ZNF451: variants seen among roughly 807,000 people sequenced by gnomAD.
The protein encoded by ZNF451 is E3 SUMO-protein ligase ZNF451.
A neutral mutation model predicts 107.1 loss-of-function variants in ZNF451; 80 were observed. That is an observed-to-expected ratio of 0.75 (90% CI 0.62 to 0.90). The LOEUF (loss-of-function observed/expected upper bound fraction) is 0.90. ZNF451 is among the 40% of genes least tolerant of loss of function. ZNF451 has a pLI of 0.00. For synonymous variants in ZNF451, 362 were observed against 406.5 expected (o/e 0.89, Z 1.32); for missense variants, 1,107 against 1,236.2 (o/e 0.90, Z 1.57).
chr6:57,103,527 G>GT (rs1484083486), intron 3 of ZNF451: 3 of 985,224 alleles, frequency 3.0e-6, no homozygotes, highest in Non-Finnish European at 3.6e-6. Flanking sequence ...GGTAGTGGAT[G>GT]TATGGTATAT....
At chr6:57,168,216 T>C (rs1418609285) in intron 14 of ZNF451, among the ~76,000 whole-genome samples, 3 of 152,206 alleles carry the variant, frequency 2.0e-5, no homozygotes, top group Admixed American at 1.3e-4. Context: ...TAAGTTCATA[T>C]ATAAAATTCA....
chr6:57,123,373 G>C (rs1183924168), intron 3 of ZNF451, among the ~76,000 whole-genome samples: 2 of 152,210 alleles, frequency 1.3e-5, no homozygotes, highest in African/African-American at 4.8e-5. Flanking sequence ...CATGGATGCA[G>C]CTGGAAGCTG....
rs1187060418 is a variant in ZNF451, at chr6:57,161,854, C to T, written c.3139+702C>T. Among the ~76,000 whole-genome samples the T allele has an allele frequency of 3.9e-5, 6 of 152,096 alleles. No individual in the cohort carries two copies. The South Asian group carries it at 8.3e-4, about 21-fold the overall frequency. On this transcript the variant is annotated intron_variant, in intron 14 of 14. Coordinates refer to ENST00000370706, the MANE Select transcript of ZNF451 (RefSeq NM_001031623.3). ...GTATTACAGGCGTGTGCCACTAACA[C>T]GCCCAGCTAAAAATTAAAATTCTCT...
At chr6:57,104,127 C>A in intron 3 of ZNF451, 1 of 983,962 alleles carries the variant, frequency 1.0e-6, no homozygotes, top group Non-Finnish European at 1.2e-6. Flanking sequence ...ATTTCCACTT[C>A]TGTAGAAATA....
At chr6:57,130,996 G>A (rs1360586663) in intron 5 of ZNF451, among the ~76,000 whole-genome samples, 1 of 152,048 alleles carries the variant, frequency 6.6e-6, no homozygotes, top group African/African-American at 2.4e-5. Flanking sequence ...TTCCATAAAT[G>A]GGCTTTAGAG....
At chr6:57,124,415 C>G (rs1336715782) in intron 3 of ZNF451, 2 of 715,238 alleles carry the variant, frequency 2.8e-6, no homozygotes, top group South Asian at 1.5e-5. Context: ...CTCTCTCTCT[C>G]TCTCCAATTT....
In ZNF451 at chr6:57,147,214, A is replaced by C. The variant is rs777962694; in HGVS notation, c.1129A>C (p.Thr377Pro). Residue 377 changes from threonine (T) to proline (P), a missense_variant, in exon 10 of 15, where the codon ACC becomes CCC. Physicochemically the swap from Thr to Pro is conservative, Grantham distance 38. Coordinates refer to ENST00000370706, the MANE Select transcript of ZNF451 (RefSeq NM_001031623.3). ...TCAAGTCTTTGTGGATGAAACCAGC[A>C]CCCAAAATCATAAGCAGAATTCAGG... Reference protein sequence around the residue: ...CNQVFVDETSTQNHKQNSGHK... With the variant: ...CNQVFVDETSPQNHKQNSGHK... The C allele has an allele frequency of 1.4e-5, 23 of 1,613,942 alleles. No homozygotes were observed. The highest frequency in any genetic ancestry group is 1.9e-5 in the Non-Finnish European group (23 of 1,179,974).
intron 14 of ZNF451, chr6:57,165,847 A>G (rs1204845652): frequency 6.6e-6 from 1 of 152,196 alleles, no homozygotes; most frequent in Non-Finnish European, 1.5e-5. Flanking sequence ...GTATCTAAAC[A>G]TAGAGACATA....
chr6:57,157,091 T>C (rs1380120792), intron 13 of ZNF451, among the ~76,000 whole-genome samples: 1 of 152,182 alleles, frequency 6.6e-6, no homozygotes, highest in Non-Finnish European at 1.5e-5. Context: ...ATATTTGTTA[T>C]TATATAGCCA....
chr6:57,132,676 G>C (rs1210707335), intron 5 of ZNF451, among the ~76,000 whole-genome samples: 1 of 151,888 alleles, frequency 6.6e-6, no homozygotes, highest in Non-Finnish European at 1.5e-5. Context: ...TTTAGCTGTT[G>C]AGCTTAAAGA....
At position 57,148,089 on chromosome 6, in the gene ZNF451, C is replaced by T. The variant is rs1174176537; in HGVS notation, c.2004C>T (p.Phe668=). 1 of 1,614,072 alleles carries T rather than the reference C, an allele frequency of 6.2e-7. No individual in the cohort carries two copies. The highest frequency in any genetic ancestry group is 8.5e-7 in the Non-Finnish European group (1 of 1,179,988). Residue 668 remains phenylalanine (F), a synonymous_variant, in exon 10 of 15, where the codon TTC becomes TTT. Coordinates refer to ENST00000370706, the MANE Select transcript of ZNF451 (RefSeq NM_001031623.3). ...EHDNEIKIKY[F]CGLCDLIFNV... ...ACAATGAGATAAAGATTAAATACTT[C>T]TGTGGGCTTTGTGATCTTATCTTTA...
chr6:57,124,635 G>A (rs1481354277), intron 3 of ZNF451, 99 bp from the exon 4 acceptor site: 3 of 890,028 alleles, frequency 3.4e-6, no homozygotes, highest in African/African-American at 1.7e-5. Flanking sequence ...TATAACTCAA[G>A]TAAATGGTTC....
At chr6:57,167,351 C>T (rs1023946901) in intron 14 of ZNF451, among the ~76,000 whole-genome samples, 1 of 152,104 alleles carries the variant, frequency 6.6e-6, no homozygotes, top group Non-Finnish European at 1.5e-5. Context: ...TTTATTCTTG[C>T]ACTAGTAGCA....
intron 3 of ZNF451, chr6:57,107,631 C>A (rs1829926006): frequency 1.0e-6 from 1 of 985,212 alleles, no homozygotes; most frequent in Non-Finnish European, 1.2e-6. Flanking sequence ...ACCCGTTTTC[C>A]GTAGATGTTA....
At chr6:57,164,755 C>G (rs1763822652) in intron 14 of ZNF451, 1 of 152,174 alleles carries the variant, frequency 6.6e-6, no homozygotes, top group Non-Finnish European at 1.5e-5. Flanking sequence ...TGTCTTCTAC[C>G]TCCTACTACT....
intron 3 of ZNF451, chr6:57,105,762 A>G (rs937797839): frequency 5.1e-6 from 5 of 985,388 alleles, no homozygotes; most frequent in Non-Finnish European, 6.0e-6. Flanking sequence ...CTTATATTTG[A>G]TAAGTGGATG....
chr6:57,155,815 ATTCT>A (rs1318750554), intron 13 of ZNF451, among the ~76,000 whole-genome samples: 8 of 134,066 alleles, frequency 6.0e-5, no homozygotes, highest in African/African-American at 2.3e-4. Context: ...TGTTCTAGGT[ATTCT>A]TTTTTTTTTT....
At chr6:57,138,343 A>C (rs1313559482) in intron 7 of ZNF451, among the ~76,000 whole-genome samples, 2 of 150,400 alleles carry the variant, frequency 1.3e-5, no homozygotes, top group Non-Finnish European at 3.0e-5. Flanking sequence ...GCTCACTGCA[A>C]CCTCTGCCTC....
intron 3 of ZNF451, among the ~76,000 whole-genome samples, chr6:57,110,160 G>C (rs1355239195): frequency 6.6e-6 from 1 of 152,174 alleles, no homozygotes; most frequent in Non-Finnish European, 1.5e-5. Context: ...TCAGCTGGAG[G>C]AACAGGAGTG....
Sources: allele counts gnomAD v4.1 joint callset (sites outside exome capture counted in the v4.1 genomes callset), GRCh38; gene constraint gnomAD v4.1.1; transcripts MANE v1.5; gene names NCBI Gene and HGNC (gene_info 2026-07-23, HGNC 2026-07-21).